Variants in PDE10A observed in about 807,000 individuals in gnomAD.
The protein encoded by PDE10A is phosphodiesterase 10A, also known as cAMP and cAMP-inhibited cGMP 3',5'-cyclic phosphodiesterase 10A.
PDE10A carries 39 observed loss-of-function variants against 97.7 expected under a neutral mutation model. The ratio of observed to expected loss-of-function variants is 0.40; its 90% CI spans 0.31 to 0.52. PDE10A has a LOEUF of 0.52. Among genes scored for constraint, PDE10A ranks in the 20% least tolerant of loss-of-function variants. The pLI is 0.56. For missense variants in PDE10A, 731 were observed against 1,047.8 expected (o/e 0.70, Z 4.17); for synonymous variants, 371 against 376.8 (o/e 0.98, Z 0.18).
At chr6:165,898,774 T>C (rs1782025690) in intron 1 of PDE10A, among the ~76,000 whole-genome samples, 1 of 152,094 alleles carries the variant, frequency 6.6e-6, no homozygotes, top group African/African-American at 2.4e-5. Flanking sequence ...ATGGTAGGTC[T>C]GGAAGGCCTC....
chr6:165,710,789 T>G (rs1791875641), intron 1 of PDE10A, among the ~76,000 whole-genome samples: 1 of 152,216 alleles, frequency 6.6e-6, no homozygotes, highest in Admixed American at 6.5e-5. Context: ...AGTACCCAAC[T>G]TAACTTCAAA....
intron 1 of PDE10A, among the ~76,000 whole-genome samples, chr6:165,565,964 A>C (rs1230824672): frequency 6.6e-6 from 1 of 152,228 alleles, no homozygotes; most frequent in African/African-American, 2.4e-5. Context: ...TGTAAAACAC[A>C]AAATGATAAA....
At chr6:165,761,094 G>A (rs998127233) in intron 1 of PDE10A, among the ~76,000 whole-genome samples, 8 of 152,200 alleles carry the variant, frequency 5.3e-5, no homozygotes, top group African/African-American at 1.7e-4. Context: ...GTAACCTGGG[G>A]TTCAATCTGA....
intron 18 of PDE10A, among the ~76,000 whole-genome samples, chr6:165,345,788 C>T (rs1463203706): frequency 6.6e-6 from 1 of 152,146 alleles, no homozygotes; most frequent in African/African-American, 2.4e-5. Context: ...CAAATAGACC[C>T]TTTTCTCAGA....
chr6:165,790,218 A>G (rs1778609928), intron 1 of PDE10A, among the ~76,000 whole-genome samples: 1 of 152,228 alleles, frequency 6.6e-6, no homozygotes. Flanking sequence ...AAGGCATCGT[A>G]TTCATCCAAT....
In PDE10A at chr6:165,332,477, C is replaced by G. The variant is rs1411367430; in HGVS notation, c.*548G>C. Reference sequence around the variant, plus strand: ...TGACGTTTTGCCATCATTTCTTACTCTGTAACCTCAACGACATTTGTCCTG... The same window carrying G: ...TGACGTTTTGCCATCATTTCTTACTGTGTAACCTCAACGACATTTGTCCTG... On this transcript the variant is annotated 3_prime_UTR_variant, in exon 22 of 22. Transcript: ENST00000539869. The G allele has an allele frequency of 6.6e-6, 1 of 152,242 alleles. No homozygotes were observed. Among genetic ancestry groups the G allele is most frequent in the African/African-American group, 2.4e-5 (1 of 41,466 alleles). The allele number at this position is 152,242 out of a possible 1,614,324, so 9.4% of individuals were successfully genotyped here. A position where few individuals can be genotyped will look rare whatever the true frequency, so the allele number is the denominator to read the frequency against.
intron 1 of PDE10A, among the ~76,000 whole-genome samples, chr6:165,584,323 C>T (rs1225864979): frequency 6.6e-6 from 1 of 152,158 alleles, no homozygotes; most frequent in Non-Finnish European, 1.5e-5. Context: ...GTCCAGGCAC[C>T]TCCATTCAGC....
At chr6:165,376,945 C>T (rs1784642105) in intron 18 of PDE10A, among the ~76,000 whole-genome samples, 1 of 152,106 alleles carries the variant, frequency 6.6e-6, no homozygotes, top group African/African-American at 2.4e-5. Flanking sequence ...CAAATTGCCA[C>T]ATGCATCCCT....
chr6:165,699,575 G>A (rs1791519623), intron 1 of PDE10A, among the ~76,000 whole-genome samples: 1 of 152,106 alleles, frequency 6.6e-6, no homozygotes, highest in Admixed American at 6.5e-5. Context: ...CTCCAGGATA[G>A]ACTATATGCT....
At chr6:165,573,476 C>T (rs562620035) in intron 1 of PDE10A, among the ~76,000 whole-genome samples, 61 of 152,244 alleles carry the variant, frequency 4.0e-4, no homozygotes, top group Middle Eastern at 6.8e-3. Context: ...CTTTCCCCCT[C>T]CTCATAGATT....
intron 1 of PDE10A, among the ~76,000 whole-genome samples, chr6:165,743,546 A>G (rs1792777511): frequency 6.6e-6 from 1 of 152,194 alleles, no homozygotes; most frequent in African/African-American, 2.4e-5. Context: ...CTGAGTCATC[A>G]TCTTACTTGG....
At chr6:165,911,846 A>G (rs1224624855) in intron 1 of PDE10A, among the ~76,000 whole-genome samples, 3 of 152,112 alleles carry the variant, frequency 2.0e-5, no homozygotes, top group African/African-American at 7.2e-5. Context: ...GAGGTCATTC[A>G]TTTCCAAGGT....
intron 1 of PDE10A, among the ~76,000 whole-genome samples, chr6:165,933,354 T>C (rs1163893540): frequency 6.6e-6 from 1 of 152,186 alleles, no homozygotes; most frequent in Non-Finnish European, 1.5e-5. Context: ...TTTAAGCACC[T>C]TGCCTGGTAG....
At chr6:165,774,487 T>C (rs1473889903) in intron 1 of PDE10A, among the ~76,000 whole-genome samples, 2 of 147,934 alleles carry the variant, frequency 1.4e-5, no homozygotes, top group Non-Finnish European at 3.0e-5. Context: ...TATAAAAATA[T>C]GTATAGATAT....
chr6:165,455,123 T>C (rs977939144), intron 3 of PDE10A, among the ~76,000 whole-genome samples: 3 of 152,096 alleles, frequency 2.0e-5, no homozygotes, highest in African/African-American at 2.4e-5. Flanking sequence ...GGACGTCAGC[T>C]CCACCCTGAC....
intron 1 of PDE10A, among the ~76,000 whole-genome samples, chr6:165,741,959 A>G (rs535065975): frequency 1.3e-5 from 2 of 152,334 alleles, no homozygotes; most frequent in South Asian, 2.1e-4. Flanking sequence ...GCATAATGCA[A>G]TTAGATGTTG....
chr6:165,503,074 C>T (rs1037511221), intron 2 of PDE10A, among the ~76,000 whole-genome samples: 11 of 152,142 alleles, frequency 7.2e-5, no homozygotes, highest in South Asian at 2.1e-4. Flanking sequence ...CTCGATGTGA[C>T]GCAAGCCCCA....
intron 1 of PDE10A, among the ~76,000 whole-genome samples, chr6:165,913,478 G>C (rs1309299065): frequency 2.0e-5 from 3 of 152,030 alleles, no homozygotes; most frequent in Admixed American, 1.3e-4. Context: ...CTAACACAAT[G>C]TAAATGCTAT....
chr6:165,955,984 T>C (rs996332758), intron 1 of PDE10A, among the ~76,000 whole-genome samples: 1 of 152,226 alleles, frequency 6.6e-6, no homozygotes, highest in Non-Finnish European at 1.5e-5. Flanking sequence ...CATTGATGCC[T>C]CAACAGTCAC....
Sources: allele counts gnomAD v4.1 joint callset (sites outside exome capture counted in the v4.1 genomes callset), GRCh38; gene constraint gnomAD v4.1.1; transcripts MANE v1.5; gene names NCBI Gene and HGNC (gene_info 2026-07-23, HGNC 2026-07-21).